The following TOX2 variants were observed in gnomAD, a reference collection of about 807,000 sequenced individuals.
TOX2 encodes the protein TOX high mobility group box family member 2.
A neutral mutation model predicts 47.4 loss-of-function variants in TOX2; 15 were observed. The observed-to-expected ratio is 0.32, with a 90% CI of 0.21 to 0.49. The LOEUF (loss-of-function observed/expected upper bound fraction) is 0.49, where lower values mean the gene tolerates loss of function less well. Ranked by LOEUF, TOX2 falls within the 20% of genes least tolerant of loss-of-function variation. TOX2 has a pLI of 0.99. For synonymous variants in TOX2, 290 were observed against 296.6 expected, an observed-to-expected ratio of 0.98 and a Z score of 0.23; for missense variants, 622 against 673.1, an observed-to-expected ratio of 0.92 and a Z score of 0.84.
At chr20:43,918,024 A>C (rs2069076577) in intron 1 of TOX2, among the ~76,000 whole-genome samples, 2 of 148,608 alleles carry the variant, frequency 1.3e-5, no homozygotes, top group African/African-American at 5.0e-5. Context: ...AGTAAGGAAC[A>C]AAGATGAGGC....
At chr20:43,963,934 G>A (rs1313331823) in intron 1 of TOX2, among the ~76,000 whole-genome samples, 2 of 152,076 alleles carry the variant, frequency 1.3e-5, no homozygotes, top group Admixed American at 1.3e-4. Flanking sequence ...CAACTGGCAG[G>A]ATTCTTAGGA....
At chr20:44,023,433 A>C (rs868860104) in intron 3 of TOX2, among the ~76,000 whole-genome samples, 2 of 149,448 alleles carry the variant, frequency 1.3e-5, no homozygotes, top group Non-Finnish European at 3.0e-5. Context: ...TTATCTCAGA[A>C]AAAAAAAAAA....
chr20:44,053,833 G>C (rs2071571051), intron 4 of TOX2, among the ~76,000 whole-genome samples: 1 of 149,578 alleles, frequency 6.7e-6, no homozygotes, highest in Non-Finnish European at 1.5e-5. Context: ...AAAAGAAGAT[G>C]TTACCTTGGG....
intron 1 of TOX2, among the ~76,000 whole-genome samples, chr20:43,964,829 G>A (rs1172783012): frequency 6.6e-6 from 1 of 152,130 alleles, no homozygotes; most frequent in East Asian, 1.9e-4. Context: ...TACAGTAGGT[G>A]CTCTTTGGCC....
At chr20:44,041,194 C>T (rs1418433657) in intron 3 of TOX2, among the ~76,000 whole-genome samples, 1 of 152,200 alleles carries the variant, frequency 6.6e-6, no homozygotes, top group Non-Finnish European at 1.5e-5. Flanking sequence ...GCCAGTCAAG[C>T]AGTGGTGAGG....
chr20:43,938,115 A>C (rs1352768322), intron 1 of TOX2, among the ~76,000 whole-genome samples: 1 of 152,194 alleles, frequency 6.6e-6, no homozygotes, highest in African/African-American at 2.4e-5. Context: ...CGGGCACCCC[A>C]GTGACTGCAC....
chr20:43,952,771 C>A (rs1354424683), intron 1 of TOX2, among the ~76,000 whole-genome samples: 1 of 152,204 alleles, frequency 6.6e-6, no homozygotes, highest in Admixed American at 6.5e-5. Context: ...CCTCTCCAGA[C>A]ATATAGGCAG....
intron 3 of TOX2, among the ~76,000 whole-genome samples, chr20:44,014,151 A>AG (rs1278939950): frequency 6.7e-6 from 1 of 148,484 alleles, no homozygotes; most frequent in Admixed American, 6.7e-5. Context: ...AAAAAAAAAA[A>AG]AAAAGGAAAA....
chr20:44,047,414 C>A (rs1247827928), intron 3 of TOX2, among the ~76,000 whole-genome samples: 1 of 152,166 alleles, frequency 6.6e-6, no homozygotes, highest in Non-Finnish European at 1.5e-5. Context: ...ACAACATATG[C>A]TACCTCAAGT....
At chr20:43,956,669 C>T (rs368353969) in intron 1 of TOX2, among the ~76,000 whole-genome samples, 2 of 151,958 alleles carry the variant, frequency 1.3e-5, no homozygotes, top group African/African-American at 4.8e-5. Flanking sequence ...CTTGAGTGCT[C>T]GTCCCCTGCC....
At chr20:44,053,661 C>T (rs1391601170) in intron 4 of TOX2, among the ~76,000 whole-genome samples, 1 of 151,852 alleles carries the variant, frequency 6.6e-6, no homozygotes, top group African/African-American at 2.4e-5. Flanking sequence ...TGCACACACA[C>T]TCCAAACTTG....
intron 1 of TOX2, among the ~76,000 whole-genome samples, chr20:43,969,540 A>C (rs2069925099): frequency 6.6e-6 from 1 of 152,158 alleles, no homozygotes; most frequent in African/African-American, 2.4e-5. Flanking sequence ...AGAGTACTGG[A>C]AGCCAAGCCA....
chr20:43,967,689 C>T (rs990972872), intron 1 of TOX2, among the ~76,000 whole-genome samples: 4 of 152,088 alleles, frequency 2.6e-5, no homozygotes, highest in African/African-American at 9.7e-5. Flanking sequence ...GTCCATCCAC[C>T]CATCTCATTA....
intron 2 of TOX2, among the ~76,000 whole-genome samples, chr20:43,986,312 C>T (rs549491870): frequency 1.6e-5 from 2 of 128,384 alleles, no homozygotes; most frequent in South Asian, 2.6e-4. Flanking sequence ...GATGGAGTCT[C>T]ACTCTGTCAC....
intron 1 of TOX2, among the ~76,000 whole-genome samples, chr20:43,968,240 G>C (rs1192329202): frequency 1.3e-5 from 2 of 151,870 alleles, no homozygotes; most frequent in Non-Finnish European, 2.9e-5. Context: ...TATCACATCT[G>C]TTTACCCCAC....
intron 5 of TOX2, among the ~76,000 whole-genome samples, chr20:44,057,135 GCTGACAAACTCTTAGC>G (rs780004205): frequency 2.0e-4 from 30 of 152,122 alleles, no homozygotes; most frequent in Non-Finnish European, 4.3e-4. Context: ...TGTTGCTCAG[GCTGACAAACTCTTAGC>G]CTCAAATGAT....
intron 3 of TOX2, among the ~76,000 whole-genome samples, chr20:44,026,815 T>C (rs2071075235): frequency 6.6e-6 from 1 of 152,158 alleles, no homozygotes; most frequent in African/African-American, 2.4e-5. Context: ...TGACCCTCTC[T>C]GGGCCTCCTT....
At chr20:43,939,124 G>A (rs1299923627) in intron 1 of TOX2, among the ~76,000 whole-genome samples, 3 of 152,128 alleles carry the variant, frequency 2.0e-5, no homozygotes, top group Admixed American at 6.5e-5. Flanking sequence ...TCTGTAAAAC[G>A]AGGAGATCAG....
At chr20:44,013,415 A>G (rs2070815223) in intron 3 of TOX2, among the ~76,000 whole-genome samples, 1 of 152,216 alleles carries the variant, frequency 6.6e-6, no homozygotes, top group South Asian at 2.1e-4. Flanking sequence ...AGACATAGGA[A>G]TACCCTCCCA....
Sources: allele counts gnomAD v4.1 joint callset (sites outside exome capture counted in the v4.1 genomes callset), GRCh38; gene constraint gnomAD v4.1.1; transcripts MANE v1.5; gene names NCBI Gene and HGNC (gene_info 2026-07-23, HGNC 2026-07-21).